GDI2: variants seen among roughly 807,000 people sequenced by gnomAD.
GDI2 encodes rab GDP dissociation inhibitor beta.
In GDI2, 22 loss-of-function variants were observed where a neutral mutation model predicts 54.2. That is an observed-to-expected ratio of 0.41 (90% CI 0.29 to 0.58). The LOEUF is 0.58. Ranked by LOEUF, GDI2 falls within the 20% of genes least tolerant of loss-of-function variation. The probability of loss-of-function intolerance (pLI) is 0.35; values close to 1 mark genes in which losing one functional copy is unlikely to be tolerated. For synonymous variants in GDI2, 177 were observed against 182.1 expected (o/e 0.97, Z 0.23); for missense variants, 422 against 546.0 (o/e 0.77, Z 2.26).
At chr10:5,784,628 G>A (rs1442860597) in intron 6 of GDI2, among the ~76,000 whole-genome samples, 7 of 152,230 alleles carry the variant, frequency 4.6e-5, no homozygotes, top group Non-Finnish European at 1.0e-4. Flanking sequence ...CTCCCTTGAT[G>A]TGGTGCTCTC....
chr10:5,804,175 C>T (rs1236802937), intron 1 of GDI2, among the ~76,000 whole-genome samples: 1 of 151,860 alleles, frequency 6.6e-6, no homozygotes, highest in Non-Finnish European at 1.5e-5. Context: ...CTCAATGCAA[C>T]CTTCACCTCC....
intron 8 of GDI2, among the ~76,000 whole-genome samples, chr10:5,767,388 A>G (rs1307956646): frequency 6.6e-6 from 1 of 152,044 alleles, no homozygotes; most frequent in Non-Finnish European, 1.5e-5. Context: ...CACAGCTTAC[A>G]GTAACCTCAA....
rs570589645 is a variant in GDI2 at position 5,785,074 on chromosome 10, T to C, written c.719+68A>G. ...TGATCTCATCTCATTATTTAAACTA[T>C]ATCTCATATACACATTATGTTGAAG... On this transcript the variant is annotated intron_variant, in intron 6 of 10. Coordinates refer to ENST00000380191, the MANE Select transcript of GDI2 (RefSeq NM_001494.4). The C allele has an allele frequency of 6.8e-6, 7 of 1,035,504 alleles. No homozygotes were observed. In the South Asian group the frequency reaches 1.3e-4, roughly 19 times the overall value. The allele number at this position is 1,035,504 out of a possible 1,614,324, so 64.1% of individuals were successfully genotyped here. A position where few individuals can be genotyped will look rare whatever the true frequency, so the allele number is the denominator to read the frequency against.
At chr10:5,794,158 C>G (rs1464638775) in intron 4 of GDI2, among the ~76,000 whole-genome samples, 2 of 110,306 alleles carry the variant, frequency 1.8e-5, no homozygotes, top group African/African-American at 3.6e-5. Context: ...CAGAGCGAGA[C>G]TCTGTCTTTA....
intron 2 of GDI2, 148 bp from the exon 3 acceptor site, chr10:5,797,010 A>T (rs1841161135): frequency 3.9e-6 from 2 of 512,296 alleles, no homozygotes. Flanking sequence ...TATCAGATAA[A>T]ATTTTTAGCA....
At chr10:5,780,076 G>C (rs1840716997) in intron 6 of GDI2, among the ~76,000 whole-genome samples, 2 of 151,856 alleles carry the variant, frequency 1.3e-5, no homozygotes, top group Non-Finnish European at 2.9e-5. Flanking sequence ...AGGTGGGGTG[G>C]TGCATGCCTG....
At chr10:5,800,956 T>A (rs7915532) in intron 1 of GDI2, among the ~76,000 whole-genome samples, 3,341 of 152,088 alleles carry the variant, frequency 0.022, 60 homozygotes, top group Middle Eastern at 0.044. Flanking sequence ...TTTTTTTTTT[T>A]ATTTATTTTT....
chr10:5,768,512 C>T lies in GDI2; in HGVS notation c.820-128G>A, dbSNP rs1840411270. ...ACCATCCTCAAGTTCATATTGGTTC[C>T]CAAGGGATTGAATTCTGGAACAACC... On this transcript the variant is annotated intron_variant, in intron 7 of 10. Transcript: ENST00000380191. This position sits in a 1 kb window ranked among gnomAD's most constrained non-coding sequence, Gnocchi z 4.4. The T allele has an allele frequency of 1.6e-6, 1 of 637,570 alleles. No individual in the cohort carries two copies. Among genetic ancestry groups the T allele is most frequent in the African/African-American group, 1.8e-5 (1 of 54,586 alleles). 39.5% of individuals were successfully genotyped at this position (637,570 alleles called of 1,614,324 possible). A position where few individuals can be genotyped will look rare whatever the true frequency, so the allele number is the denominator to read the frequency against.
At chr10:5,794,172 G>GAAAAAAAA (rs1256206663) in intron 4 of GDI2, among the ~76,000 whole-genome samples, 3 of 27,964 alleles carry the variant, frequency 1.1e-4, no homozygotes, top group African/African-American at 1.3e-4. Flanking sequence ...GTCTTTAAAA[G>GAAAAAAAA]AAAAAAAAAA....
rs1435584991 is a variant in GDI2, at chr10:5,774,434, C to T, written c.720-493G>A. On this transcript the variant is annotated intron_variant, in intron 6 of 10. Transcript: ENST00000380191. This position sits in a 1 kb window ranked among gnomAD's most constrained non-coding sequence, Gnocchi z 4.8. ...GCAACACATTTGGTGCTGTGTGACTCGGATACATTCCCTAGTAGTAAGAGA... is the reference window on the plus strand; with the variant it reads ...GCAACACATTTGGTGCTGTGTGACTTGGATACATTCCCTAGTAGTAAGAGA... 3.3e-5 allele frequency among the ~76,000 whole-genome samples: 5 copies of T among 152,162 alleles called. No homozygotes were observed. The highest frequency in any genetic ancestry group is 3.3e-4 in the Admixed American group (5 of 15,274).
At chr10:5,783,574 A>G (rs1840808354) in intron 6 of GDI2, among the ~76,000 whole-genome samples, 1 of 152,188 alleles carries the variant, frequency 6.6e-6, no homozygotes, top group African/African-American at 2.4e-5. Flanking sequence ...TTAAGGAGAT[A>G]CAATTTTGGT....
At chr10:5,810,693 A>G (rs182091079) in intron 1 of GDI2, among the ~76,000 whole-genome samples, 201 of 152,356 alleles carry the variant, frequency 1.3e-3, no homozygotes, top group Non-Finnish European at 7.8e-4. Flanking sequence ...AAGTTGTGAC[A>G]GCATTTAGAA....
At position 5,776,889 on chromosome 10, in the gene GDI2, AGAG is replaced by A; in HGVS notation, c.720-2951_720-2949del. 1 of 935,782 alleles carries A rather than the reference AGAG, an allele frequency of 1.1e-6. No individual in the cohort carries two copies. The highest frequency in any genetic ancestry group is 2.0e-5 in the South Asian group (1 of 50,466). The allele number at this position is 935,782 out of a possible 1,614,324, so 58.0% of individuals were successfully genotyped here. A position where few individuals can be genotyped will look rare whatever the true frequency, so the allele number is the denominator to read the frequency against. On this transcript the variant is annotated intron_variant, in intron 6 of 10. Coordinates refer to ENST00000380191, the MANE Select transcript of GDI2 (RefSeq NM_001494.4). This position sits in a 1 kb window ranked among gnomAD's most constrained non-coding sequence, Gnocchi z 5.3. ...ATGGAAGGCCAGAGAAGAGGGGAGAAGAGGAAATAATGCGAAAACAGTTAATCC... is the reference window on the plus strand; with the variant it reads ...ATGGAAGGCCAGAGAAGAGGGGAGAAGAAATAATGCGAAAACAGTTAATCC...
intron 1 of GDI2, among the ~76,000 whole-genome samples, chr10:5,804,448 C>T (rs567733035): frequency 1.3e-5 from 2 of 152,198 alleles, no homozygotes; most frequent in South Asian, 4.2e-4. Flanking sequence ...CTCCAGAAGG[C>T]CCTCATGCCG....
At chr10:5,795,056 CTATAAAT>C (rs1841115847) in intron 3 of GDI2, 37 bp from the exon 4 acceptor site, 4 of 1,388,336 alleles carry the variant, frequency 2.9e-6, no homozygotes, top group African/African-American at 2.9e-5. Flanking sequence ...TAACTTAAGT[CTATAAAT>C]TATAAAGAAC....
At chr10:5,775,791 T>C (rs1840605510) in intron 6 of GDI2, among the ~76,000 whole-genome samples, 1 of 151,610 alleles carries the variant, frequency 6.6e-6, no homozygotes, top group African/African-American at 2.4e-5. Context: ...TCCAGAGGAG[T>C]AACGTTTAAG....
chr10:5,765,420 T>A lies in GDI2; in HGVS notation c.*586A>T, dbSNP rs1840294418. ...CTCCCCTTCTCTCTCATCAACTTTA[T>A]TAGGTTAAAACACCACATACAGGCT... is the stretch of plus-strand genomic sequence containing the variant. On this transcript the variant is annotated 3_prime_UTR_variant, in exon 11 of 11. Coordinates refer to ENST00000380191, the MANE Select transcript of GDI2 (RefSeq NM_001494.4). 1 of 152,658 alleles carries A rather than the reference T, an allele frequency of 6.6e-6. No individual in the cohort carries two copies. Among genetic ancestry groups the A allele is most frequent in the African/African-American group, 2.4e-5 (1 of 41,438 alleles). The allele number at this position is 152,658 out of a possible 1,614,324, so 9.5% of individuals were successfully genotyped here. A position where few individuals can be genotyped will look rare whatever the true frequency, so the allele number is the denominator to read the frequency against.
intron 1 of GDI2, among the ~76,000 whole-genome samples, chr10:5,810,736 T>C (rs1021247893): frequency 6.6e-6 from 1 of 152,250 alleles, no homozygotes; most frequent in African/African-American, 2.4e-5. Flanking sequence ...TCTTTAGAGA[T>C]AACCTTTAGT....
chr10:5,798,386 G>A (rs539405307), intron 2 of GDI2, among the ~76,000 whole-genome samples: 6 of 150,718 alleles, frequency 4.0e-5, no homozygotes, highest in Admixed American at 2.0e-4. Context: ...CCAGGAGATC[G>A]AGACCAGCCT....
Sources: gnomAD v4.1 joint callset for allele counts (sites outside exome capture counted in the v4.1 genomes callset) on GRCh38, gnomAD v4.1.1 for gene constraint, Gnocchi (gnomAD v3.1) non-coding constraint, MANE v1.5 for transcripts, NCBI Gene and HGNC (gene_info 2026-07-23, HGNC 2026-07-21) for gene names.